ADK: variants seen among roughly 807,000 people sequenced by gnomAD.
ADK encodes N6,N6-dimethyladenosine kinase.
ADK carries 24 observed loss-of-function variants against 44.7 expected under a neutral mutation model. The ratio of observed to expected loss-of-function variants is 0.54; its 90% CI spans 0.39 to 0.76. The LOEUF (loss-of-function observed/expected upper bound fraction) is 0.76, where lower values mean the gene tolerates loss of function less well. Among genes scored for constraint, ADK ranks in the 30% least tolerant of loss-of-function variants. ADK has a pLI of 0.00. For missense variants in ADK, 321 were observed against 425.1 expected, an observed-to-expected ratio of 0.76 and a Z score of 2.15; for synonymous variants, 128 against 142.6, an observed-to-expected ratio of 0.90 and a Z score of 0.73.
chr10:74,200,373 A>G (rs1000233260), intron 1 of ADK, among the ~76,000 whole-genome samples: 3 of 151,076 alleles, frequency 2.0e-5, no homozygotes, highest in African/African-American at 7.3e-5. Context: ...AATCCCAGCT[A>G]CTCAGGAGGC....
chr10:74,429,515 A>G (rs1844910379), intron 6 of ADK, among the ~76,000 whole-genome samples: 1 of 152,166 alleles, frequency 6.6e-6, no homozygotes, highest in South Asian at 2.1e-4. Flanking sequence ...ACCATAATTC[A>G]TATCTGTTGT....
intron 10 of ADK, among the ~76,000 whole-genome samples, chr10:74,703,856 A>G (rs1356275954): frequency 6.6e-6 from 1 of 152,194 alleles, no homozygotes. Flanking sequence ...TCAGGGAAAT[A>G]AAATTGTATG....
At chr10:74,642,533 A>G (rs1439567865) in intron 9 of ADK, among the ~76,000 whole-genome samples, 1 of 152,004 alleles carries the variant, frequency 6.6e-6, no homozygotes, top group Non-Finnish European at 1.5e-5. Context: ...AAAAAGTTTG[A>G]GAACCCCTCC....
intron 3 of ADK, among the ~76,000 whole-genome samples, chr10:74,262,589 G>C (rs1166583184): frequency 6.6e-6 from 1 of 152,094 alleles, no homozygotes; most frequent in Non-Finnish European, 1.5e-5. Flanking sequence ...TTTTGTCTTA[G>C]TCATGAAGCA....
At chr10:74,224,772 A>C (rs1844466882) in intron 3 of ADK, among the ~76,000 whole-genome samples, 181 bp downstream of exon 3, 1 of 152,234 alleles carries the variant, frequency 6.6e-6, no homozygotes, top group African/African-American at 2.4e-5. Context: ...AAGTTTACAC[A>C]GGACATAATT....
At chr10:74,227,264 T>C (rs1056276077) in intron 3 of ADK, among the ~76,000 whole-genome samples, 1 of 152,240 alleles carries the variant, frequency 6.6e-6, no homozygotes, top group African/African-American at 2.4e-5. Flanking sequence ...TATTACAACT[T>C]CTTAATTTCA....
At chr10:74,566,182 T>A (rs1215290310) in intron 7 of ADK, among the ~76,000 whole-genome samples, 1 of 151,736 alleles carries the variant, frequency 6.6e-6, no homozygotes, top group Non-Finnish European at 1.5e-5. Flanking sequence ...CTCTTCATGT[T>A]TTTATTTTCT....
At chr10:74,233,402 G>A (rs1844850899) in intron 3 of ADK, among the ~76,000 whole-genome samples, 1 of 152,198 alleles carries the variant, frequency 6.6e-6, no homozygotes, top group African/African-American at 2.4e-5. Context: ...GGTCCTGGTA[G>A]TTGTGGACGT....
chr10:74,380,118 C>T (rs535082762), intron 4 of ADK, among the ~76,000 whole-genome samples: 6 of 152,250 alleles, frequency 3.9e-5, no homozygotes, highest in Non-Finnish European at 8.8e-5. Flanking sequence ...TACAATTATG[C>T]ATTTTATTTC....
intron 3 of ADK, among the ~76,000 whole-genome samples, chr10:74,302,101 GTTTGTTTGTTTTTTTTTTTTTTTTTT>G (rs1840064213): frequency 1.7e-4 from 2 of 11,708 alleles, no homozygotes; most frequent in African/African-American, 2.8e-4. Context: ...TTTTTTTTTT[GTTTGTTTGTTTTTTTTTTTTTTTTTT>G]TTTTTTTTTT....
intron 4 of ADK, among the ~76,000 whole-genome samples, chr10:74,381,671 T>C (rs763412911): frequency 3.9e-5 from 6 of 152,214 alleles, no homozygotes; most frequent in Non-Finnish European, 7.3e-5. Flanking sequence ...GTGCATGAAA[T>C]TGCAGTGTTA....
intron 3 of ADK, among the ~76,000 whole-genome samples, chr10:74,266,730 CTG>C (rs773842315): frequency 7.0e-4 from 107 of 152,096 alleles, no homozygotes; most frequent in Non-Finnish European, 1.3e-3. Flanking sequence ...ACCAAATAAA[CTG>C]TGTTTTAAAA....
At chr10:74,519,175 A>T (rs1270494373) in intron 6 of ADK, among the ~76,000 whole-genome samples, 1 of 151,994 alleles carries the variant, frequency 6.6e-6, no homozygotes, top group Non-Finnish European at 1.5e-5. Context: ...TTTTCATAGT[A>T]CATCTTTGAA....
At chr10:74,456,710 A>G (rs1200689807) in intron 6 of ADK, among the ~76,000 whole-genome samples, 1 of 150,958 alleles carries the variant, frequency 6.6e-6, no homozygotes, top group African/African-American at 2.4e-5. Flanking sequence ...AAACCACCCA[A>G]CCACTGCTCC....
At chr10:74,430,806 C>G (rs1390135181) in intron 6 of ADK, among the ~76,000 whole-genome samples, 1 of 151,602 alleles carries the variant, frequency 6.6e-6, no homozygotes, top group African/African-American at 2.4e-5. Flanking sequence ...ACATTTCAAG[C>G]AGAGGGAACA....
intron 6 of ADK, among the ~76,000 whole-genome samples, chr10:74,507,897 G>A (rs1848145892): frequency 6.6e-6 from 1 of 152,110 alleles, no homozygotes; most frequent in South Asian, 2.1e-4. Flanking sequence ...ATCTGTTAGT[G>A]GGAATGAAGA....
At chr10:74,661,963 G>A (rs1854751262) in intron 9 of ADK, among the ~76,000 whole-genome samples, 1 of 151,972 alleles carries the variant, frequency 6.6e-6, no homozygotes, top group South Asian at 2.1e-4. Context: ...CATAACTATT[G>A]TTCTATGAGA....
intron 3 of ADK, among the ~76,000 whole-genome samples, chr10:74,246,713 TGGTGAGCATG>T (rs1391783490): frequency 6.6e-6 from 1 of 152,194 alleles, no homozygotes; most frequent in Non-Finnish European, 1.5e-5. Flanking sequence ...AGTTTGGGTT[TGGTGAGCATG>T]GGTGACTCCA....
intron 10 of ADK, among the ~76,000 whole-genome samples, chr10:74,688,817 G>C (rs942712787): frequency 4.6e-5 from 7 of 152,312 alleles, no homozygotes; most frequent in Middle Eastern, 3.4e-3. Flanking sequence ...TCAGGATGGT[G>C]AGATAGGAGG....
Sources: allele counts gnomAD v4.1 joint callset (sites outside exome capture counted in the v4.1 genomes callset), GRCh38; gene constraint gnomAD v4.1.1; transcripts MANE v1.5; gene names NCBI Gene and HGNC (gene_info 2026-07-23, HGNC 2026-07-21).